SSH2: variants seen among roughly 807,000 people sequenced by gnomAD.
SSH2 encodes slingshot protein phosphatase 2.
SSH2 carries 37 observed loss-of-function variants against 135.2 expected under a neutral mutation model. The observed-to-expected ratio is 0.27, with a 90% CI of 0.21 to 0.36. The LOEUF (loss-of-function observed/expected upper bound fraction) is 0.36. Among genes scored for constraint, SSH2 ranks in the 10% least tolerant of loss-of-function variants. The pLI, the probability that SSH2 is intolerant of heterozygous loss-of-function variation, is 1.00. For synonymous variants in SSH2, 628 were observed against 646.2 expected (o/e 0.97, Z 0.43); for missense variants, 1,408 against 1,765.3 (o/e 0.80, Z 3.63).
At position 29,930,150 on chromosome 17, in the gene SSH2, C is replaced by A; in HGVS notation, c.-150G>T. 1 of 706,552 alleles carries A rather than the reference C, an allele frequency of 1.4e-6. No individual in the cohort carries two copies. Among genetic ancestry groups the A allele is most frequent in the South Asian group, 1.8e-5 (1 of 54,346 alleles). The allele number at this position is 706,552 out of a possible 1,614,324, so 43.8% of individuals were successfully genotyped here. A position where few individuals can be genotyped will look rare whatever the true frequency, so the allele number is the denominator to read the frequency against. On this transcript the variant is annotated 5_prime_UTR_variant, in exon 1 of 16. Coordinates refer to ENST00000540801, the MANE Select transcript of SSH2 (RefSeq NM_001282129.2). ...AGGCCGCGGGAACGGCCGCAGACTC[C>A]GCACCCACCACCAGACTGTCGCCGA...
At chr17:29,766,426 C>G (rs1261580444) in intron 3 of SSH2, among the ~76,000 whole-genome samples, 4 of 151,268 alleles carry the variant, frequency 2.6e-5, no homozygotes, top group African/African-American at 9.7e-5. Flanking sequence ...CCACTGCACT[C>G]TAGTCGGGGC....
intron 1 of SSH2, among the ~76,000 whole-genome samples, chr17:29,917,175 T>TA: frequency 6.6e-6 from 1 of 152,062 alleles, no homozygotes; most frequent in East Asian, 1.9e-4. Flanking sequence ...ATGTCTTAGA[T>TA]AACAGTATCT....
chr17:29,691,953 A>T (rs922318314), intron 5 of SSH2, among the ~76,000 whole-genome samples: 1 of 151,488 alleles, frequency 6.6e-6, no homozygotes, highest in South Asian at 2.1e-4. Context: ...AGCCTGGCCA[A>T]CATGGTGAAA....
Position 29,790,955 on chromosome 17 carries a change from C to A in SSH2, c.188+2939G>T, listed in dbSNP as rs868025831. Among the ~76,000 whole-genome samples, 3 of 152,272 alleles carry A rather than the reference C, an allele frequency of 2.0e-5. No individual in the cohort carries two copies. In the Middle Eastern group the frequency reaches 0.01, roughly 521 times the overall value. ...TGTTGGCCAGGCTGGTCTCAAACTC[C>A]TGACCTCAGGTGATCCACCCACATG... On this transcript the variant is annotated intron_variant, in intron 3 of 15. Transcript: ENST00000540801.
intron 3 of SSH2, among the ~76,000 whole-genome samples, chr17:29,761,885 A>ATTTTTTT (rs199771095): frequency 2.2e-4 from 31 of 139,466 alleles, no homozygotes; most frequent in African/African-American, 7.3e-4. Flanking sequence ...ATATATATAT[A>ATTTTTTT]TATTTTTTTT....
At chr17:29,716,402 C>A in intron 3 of SSH2, 2 of 576,838 alleles carry the variant, frequency 3.5e-6, no homozygotes, top group East Asian at 3.7e-5. Context: ...AATTAGAGTG[C>A]TTAATGTGCT....
intron 1 of SSH2, among the ~76,000 whole-genome samples, chr17:29,917,571 G>A (rs553551049): frequency 1.3e-5 from 2 of 152,092 alleles, no homozygotes; most frequent in Non-Finnish European, 2.9e-5. Flanking sequence ...ACTAAGGCAG[G>A]AGCAGCAAAA....
At chr17:29,737,098 C>CA (rs59098464) in intron 3 of SSH2, among the ~76,000 whole-genome samples, 670 of 63,322 alleles carry the variant, frequency 0.011, 32 homozygotes, top group East Asian at 0.013. Flanking sequence ...GACTCTGTCT[C>CA]AAAAAAAAAA....
At chr17:29,840,002 T>C (rs1367446203) in intron 2 of SSH2, among the ~76,000 whole-genome samples, 1 of 152,186 alleles carries the variant, frequency 6.6e-6, no homozygotes, top group Non-Finnish European at 1.5e-5. Flanking sequence ...ACAATGGGTG[T>C]CACATGGTAA....
At chr17:29,898,308 A>G (rs1291725110) in intron 1 of SSH2, among the ~76,000 whole-genome samples, 2 of 152,130 alleles carry the variant, frequency 1.3e-5, no homozygotes, top group Non-Finnish European at 2.9e-5. Context: ...TAGAGACACA[A>G]AAAAACCCTT....
chr17:29,676,926 G>C (rs773530508), intron 7 of SSH2, 41 bp from the exon 8 acceptor site: 38 of 1,552,494 alleles, frequency 2.4e-5, no homozygotes, highest in Non-Finnish European at 2.8e-5. Flanking sequence ...CACAAATTAG[G>C]GTAGGTTATT....
chr17:29,691,212 C>T (rs1490572614), intron 5 of SSH2, among the ~76,000 whole-genome samples: 1 of 152,084 alleles, frequency 6.6e-6, no homozygotes, highest in Non-Finnish European at 1.5e-5. Context: ...CTTGAATTCT[C>T]CTGCAAAATA....
intron 2 of SSH2, among the ~76,000 whole-genome samples, chr17:29,820,636 G>C (rs534764728): frequency 2.0e-5 from 3 of 152,296 alleles, no homozygotes; most frequent in Admixed American, 2.0e-4. Flanking sequence ...CTTCTAGAAA[G>C]TATTCCCCAG....
In SSH2 at chr17:29,830,498, C is replaced by A. The variant is rs550971235; in HGVS notation, c.144+18351G>T. On this transcript the variant is annotated intron_variant, in intron 2 of 15. Coordinates refer to ENST00000540801, the MANE Select transcript of SSH2 (RefSeq NM_001282129.2). ...ATACTTTCCGATTTGCAGAATTGATCATAATTTAAAATTTCACTGCATAAT... is the reference window on the plus strand; with the variant it reads ...ATACTTTCCGATTTGCAGAATTGATAATAATTTAAAATTTCACTGCATAAT... Among the ~76,000 whole-genome samples, 5 of 152,230 alleles carry A rather than the reference C, an allele frequency of 3.3e-5. No individual in the cohort carries two copies. The South Asian group carries it at 1.0e-3, about 32-fold the overall frequency.
chr17:29,890,847 CT>C (rs1363875202), intron 1 of SSH2, among the ~76,000 whole-genome samples: 2 of 152,178 alleles, frequency 1.3e-5, no homozygotes, highest in African/African-American at 2.4e-5. Context: ...CCTCTGCCTC[CT>C]GTGTTCAAGT....
At chr17:29,925,518 C>T in intron 1 of SSH2, 1 of 398,432 alleles carries the variant, frequency 2.5e-6, no homozygotes, top group Middle Eastern at 6.3e-4. Context: ...GAGTTCAAGA[C>T]CAGCCTGGGC....
intron 2 of SSH2, among the ~76,000 whole-genome samples, chr17:29,797,489 TAGC>T (rs2042178248): frequency 6.6e-6 from 1 of 152,226 alleles, no homozygotes; most frequent in Non-Finnish European, 1.5e-5. Flanking sequence ...TTGCATAAAA[TAGC>T]AGTTCATTCC....
intron 1 of SSH2, among the ~76,000 whole-genome samples, chr17:29,903,461 C>CAA (rs35245063): frequency 1.4e-4 from 19 of 136,654 alleles, no homozygotes; most frequent in East Asian, 6.4e-4. Context: ...CAAGATTTAC[C>CAA]AAAAAAAAAA....
chr17:29,850,289 T>G lies in SSH2; in HGVS notation c.64-1360A>C, dbSNP rs1599089164. Among the ~76,000 whole-genome samples, 3 of 152,294 alleles carry G rather than the reference T, an allele frequency of 2.0e-5. No homozygotes were observed. The East Asian group carries it at 5.8e-4, about 29-fold the overall frequency. ...GACTCATTAGATTCTATTCAAATGTTTGCTGTTTAGCTAACAGCAGCTGGA... is the reference window on the plus strand; with the variant it reads ...GACTCATTAGATTCTATTCAAATGTGTGCTGTTTAGCTAACAGCAGCTGGA... On this transcript the variant is annotated intron_variant, in intron 1 of 15. Coordinates refer to ENST00000540801, the MANE Select transcript of SSH2 (RefSeq NM_001282129.2).
Sources: gnomAD v4.1 joint callset for allele counts (sites outside exome capture counted in the v4.1 genomes callset) on GRCh38, gnomAD v4.1.1 for gene constraint, MANE v1.5 for transcripts, NCBI Gene and HGNC (gene_info 2026-07-23, HGNC 2026-07-21) for gene names.